FOXN3: variants seen among roughly 807,000 people sequenced by gnomAD.
The protein encoded by FOXN3 is forkhead box N3.
FOXN3 carries 7 observed loss-of-function variants against 38.4 expected under a neutral mutation model. The ratio of observed to expected loss-of-function variants is 0.18; its 90% CI spans 0.10 to 0.34. FOXN3 has a LOEUF of 0.34. Among genes scored for constraint, FOXN3 ranks in the 10% least tolerant of loss-of-function variants. The pLI is 1.00. For synonymous variants in FOXN3, 230 were observed against 242.2 expected (o/e 0.95, Z 0.47); for missense variants, 456 against 613.4 (o/e 0.74, Z 2.71).
intron 4 of FOXN3, among the ~76,000 whole-genome samples, chr14:89,185,198 A>T (rs1161712553): frequency 6.6e-6 from 1 of 152,054 alleles, no homozygotes; most frequent in Non-Finnish European, 1.5e-5. Flanking sequence ...CTCCATGGAG[A>T]GATGGCGGAT....
chr14:89,471,547 G>A (rs1893095460), intron 1 of FOXN3, among the ~76,000 whole-genome samples: 1 of 152,042 alleles, frequency 6.6e-6, no homozygotes, highest in Non-Finnish European at 1.5e-5. Context: ...CTGCACCACT[G>A]CACTCCAGCC....
intron 1 of FOXN3, among the ~76,000 whole-genome samples, chr14:89,423,700 G>A (rs1443555641): frequency 6.6e-6 from 1 of 152,230 alleles, no homozygotes; most frequent in Non-Finnish European, 1.5e-5. Context: ...TAAAGCAATT[G>A]TGATATCTCA....
chr14:89,444,957 CA>C (rs201581943), intron 1 of FOXN3, among the ~76,000 whole-genome samples: 3,356 of 151,508 alleles, frequency 0.022, 36 homozygotes, highest in Middle Eastern at 0.037. Context: ...CCCATCTCTA[CA>C]AAAAAAATAC....
At chr14:89,541,890 T>A (rs1377462977) in intron 1 of FOXN3, among the ~76,000 whole-genome samples, 2 of 152,084 alleles carry the variant, frequency 1.3e-5, no homozygotes, top group African/African-American at 4.8e-5. Flanking sequence ...CTACAAAAGG[T>A]CCCTTGCATC....
intron 2 of FOXN3, among the ~76,000 whole-genome samples, chr14:89,362,850 C>G (rs1002114949): frequency 1.3e-5 from 2 of 150,218 alleles, no homozygotes; most frequent in Admixed American, 6.7e-5. Flanking sequence ...TTCAGTGGGT[C>G]ACAAACCCAT....
intron 4 of FOXN3, among the ~76,000 whole-genome samples, chr14:89,267,805 G>A (rs140906700): frequency 1.6e-4 from 25 of 152,290 alleles, no homozygotes; most frequent in African/African-American, 5.5e-4. Flanking sequence ...CAGAGTATGC[G>A]TGCGTGTTGG....
At position 89,324,461 on chromosome 14, in the gene FOXN3, T is replaced by C. The variant is rs1038559356; in HGVS notation, c.680+26211A>G. Among the ~76,000 whole-genome samples, 206 of 151,544 alleles carry C rather than the reference T, an allele frequency of 1.4e-3. 1 individual carries two copies. The highest frequency in any genetic ancestry group is 4.5e-3 in the African/African-American group (187 of 41,292). The stretch of plus-strand genomic sequence containing the variant: ...GTGTGTGCGTGTGTGTGTGTGTGTG[T>C]GTGTGTGTGTGTGTGTGTGTGTGTA... On this transcript the variant is annotated intron_variant, in intron 3 of 5. Coordinates refer to ENST00000557258, the MANE Select transcript of FOXN3 (RefSeq NM_005197.4).
intron 1 of FOXN3, among the ~76,000 whole-genome samples, chr14:89,492,737 C>A (rs1399674499): frequency 2.0e-5 from 3 of 152,148 alleles, no homozygotes; most frequent in Non-Finnish European, 4.4e-5. Flanking sequence ...AACCAAAAAA[C>A]AACCCCCATA....
chr14:89,320,844 A>T (rs1043500864), intron 3 of FOXN3, among the ~76,000 whole-genome samples: 25 of 152,308 alleles, frequency 1.6e-4, no homozygotes, highest in Middle Eastern at 3.4e-3. Flanking sequence ...TATTAAGAGA[A>T]CTGTTATGCT....
At chr14:89,300,809 T>C (rs2139946218) in intron 3 of FOXN3, among the ~76,000 whole-genome samples, 1 of 152,282 alleles carries the variant, frequency 6.6e-6, no homozygotes, top group Non-Finnish European at 1.5e-5. Context: ...GTTTATTTAT[T>C]TATTTGAGAT....
In FOXN3 at chr14:89,484,780, G is replaced by A. The variant is rs1375530119; in HGVS notation, c.-14-72290C>T. Among the ~76,000 whole-genome samples, 1 of 152,194 alleles carries A rather than the reference G, an allele frequency of 6.6e-6. No individual in the cohort carries two copies. The highest frequency in any genetic ancestry group is 1.5e-5 in the Non-Finnish European group (1 of 68,040). On this transcript the variant is annotated intron_variant, in intron 1 of 6. Coordinates refer to the FOXN3 transcript ENST00000345097. This position sits in a 1 kb window ranked among gnomAD's most constrained non-coding sequence, Gnocchi z 4.0. ...GTGTGCAGGAAGGCAGATGGTGTGTGGCCAGGGAGGACCCAACAGGCAGTG... is the reference window on the plus strand; with the variant it reads ...GTGTGCAGGAAGGCAGATGGTGTGTAGCCAGGGAGGACCCAACAGGCAGTG...
intron 1 of FOXN3, among the ~76,000 whole-genome samples, chr14:89,611,005 C>A (rs1896376987): frequency 6.6e-6 from 1 of 152,206 alleles, no homozygotes; most frequent in Non-Finnish European, 1.5e-5. Context: ...ACACATTTGA[C>A]TGAAAATGTC....
chr14:89,466,364 C>T (rs1440999889), intron 1 of FOXN3, among the ~76,000 whole-genome samples: 1 of 152,190 alleles, frequency 6.6e-6, no homozygotes, highest in Non-Finnish European at 1.5e-5. Flanking sequence ...TGAAGCTCCA[C>T]TTATTTCTCC....
At chr14:89,401,433 A>G (rs1443529162) in intron 2 of FOXN3, 2 of 350,326 alleles carry the variant, frequency 5.7e-6, no homozygotes, top group African/African-American at 4.3e-5. Flanking sequence ...ACTCAACAGC[A>G]ACAACAACAA....
rs1886406848 is a variant in FOXN3, at chr14:89,279,889, G to C, written c.745+1061C>G. ...TCTGACAAGGGTTTGAGCTACTACG[G>C]AAACCTGAAGATACATGTCTCTCTT... On this transcript the variant is annotated intron_variant, in intron 4 of 5. Coordinates refer to ENST00000557258, the MANE Select transcript of FOXN3 (RefSeq NM_005197.4). 2.0e-5 allele frequency among the ~76,000 whole-genome samples: 3 copies of C among 152,182 alleles called. No individual in the cohort carries two copies. In the South Asian group the frequency reaches 6.2e-4, roughly 31 times the overall value.
At chr14:89,300,451 G>A (rs1324775995) in intron 3 of FOXN3, among the ~76,000 whole-genome samples, 1 of 152,164 alleles carries the variant, frequency 6.6e-6, no homozygotes, top group Non-Finnish European at 1.5e-5. Context: ...CAGAGTGATG[G>A]GTTTACAGGC....
intron 2 of FOXN3, among the ~76,000 whole-genome samples, chr14:89,384,029 G>T (rs1325607655): frequency 2.0e-5 from 3 of 152,108 alleles, no homozygotes. Flanking sequence ...GGTGGGGGGG[G>T]ACATTTCAGC....
chr14:89,552,449 T>C (rs969367217), intron 1 of FOXN3, among the ~76,000 whole-genome samples: 4 of 151,954 alleles, frequency 2.6e-5, no homozygotes, highest in Middle Eastern at 3.4e-3. Flanking sequence ...AGCATAAACA[T>C]GACCCTTGGT....
chr14:89,167,463 G>T (rs1887271998), intron 5 of FOXN3, among the ~76,000 whole-genome samples: 1 of 152,192 alleles, frequency 6.6e-6, no homozygotes, highest in African/African-American at 2.4e-5. Flanking sequence ...GGATTTAGTT[G>T]AGGACTCTGA....
Sources: gnomAD v4.1 joint callset for allele counts (sites outside exome capture counted in the v4.1 genomes callset) on GRCh38, gnomAD v4.1.1 for gene constraint, Gnocchi (gnomAD v3.1) non-coding constraint, MANE v1.5 for transcripts, NCBI Gene and HGNC (gene_info 2026-07-23, HGNC 2026-07-21) for gene names.